ERP44: variants seen among roughly 807,000 people sequenced by gnomAD.
ERP44 encodes the protein endoplasmic reticulum resident protein 44.
In ERP44, 25 loss-of-function variants were observed where a neutral mutation model predicts 53.4. The observed-to-expected ratio is 0.47, with a 90% confidence interval of 0.34 to 0.65. The LOEUF is 0.65. Among genes scored for constraint, ERP44 ranks in the 30% least tolerant of loss-of-function variants. The pLI is 0.01. For missense variants in ERP44, 338 were observed against 493.2 expected, an observed-to-expected ratio of 0.69 and a Z score of 2.98; for synonymous variants, 145 against 161.2, an observed-to-expected ratio of 0.90 and a Z score of 0.76.
intron 4 of ERP44, among the ~76,000 whole-genome samples, chr9:100,042,132 C>T (rs1825911658): frequency 6.6e-6 from 1 of 152,084 alleles, no homozygotes; most frequent in African/African-American, 2.4e-5. Context: ...ACCCACATAA[C>T]TGGAGAAAAT....
chr9:100,008,178 T>C (rs1284402487), intron 8 of ERP44, among the ~76,000 whole-genome samples: 1 of 152,196 alleles, frequency 6.6e-6, no homozygotes, highest in East Asian at 1.9e-4. Context: ...CAAAAACCAT[T>C]ACACTTACAT....
At chr9:100,064,212 A>G (rs1252585685) in intron 1 of ERP44, among the ~76,000 whole-genome samples, 1 of 152,214 alleles carries the variant, frequency 6.6e-6, no homozygotes, top group Non-Finnish European at 1.5e-5. Flanking sequence ...GAGTACCTTG[A>G]AAGTAGAGAC....
chr9:99,993,991 G>A (rs927843172), intron 10 of ERP44, among the ~76,000 whole-genome samples: 3 of 152,238 alleles, frequency 2.0e-5, no homozygotes, highest in African/African-American at 7.2e-5. Context: ...CAATCATTAA[G>A]TCAGGAAACA....
chr9:100,019,435 A>G (rs564798083), intron 6 of ERP44, among the ~76,000 whole-genome samples: 36 of 152,308 alleles, frequency 2.4e-4, no homozygotes, highest in African/African-American at 8.2e-4. Flanking sequence ...AAATCTCACA[A>G]AAGCATTAAA....
chr9:100,046,947 C>A (rs1229592335), intron 4 of ERP44, among the ~76,000 whole-genome samples: 2 of 152,086 alleles, frequency 1.3e-5, no homozygotes, highest in Non-Finnish European at 2.9e-5. Context: ...AGAGACAGAA[C>A]AAAAATAGAC....
At chr9:100,057,344 G>A (rs1430947267) in intron 3 of ERP44, among the ~76,000 whole-genome samples, 3 of 152,118 alleles carry the variant, frequency 2.0e-5, no homozygotes, top group Non-Finnish European at 4.4e-5. Context: ...GTTTGCTAGG[G>A]CACAAACAAG....
intron 10 of ERP44, among the ~76,000 whole-genome samples, chr9:99,991,750 A>G (rs2118607441): frequency 6.6e-6 from 1 of 152,334 alleles, no homozygotes; most frequent in East Asian, 1.9e-4. Flanking sequence ...AAAGATCAAC[A>G]AAATTGATAG....
At chr9:100,009,330 T>C (rs1350920703) in intron 8 of ERP44, among the ~76,000 whole-genome samples, 1 of 151,912 alleles carries the variant, frequency 6.6e-6, no homozygotes, top group Non-Finnish European at 1.5e-5. Context: ...GCCAGGATGG[T>C]CTCAATCTCC....
chr9:99,999,117 G>A (rs936300816), intron 10 of ERP44: 4 of 623,412 alleles, frequency 6.4e-6, no homozygotes, highest in African/African-American at 3.7e-5. Flanking sequence ...TGGACACGGC[G>A]CACCTGAGGC....
chr9:100,093,643 T>TTG lies in ERP44; in HGVS notation c.57+5140_57+5141insCA, dbSNP rs1554711459. On this transcript the variant is annotated intron_variant, in intron 1 of 11. Coordinates refer to ENST00000262455, the MANE Select transcript of ERP44 (RefSeq NM_015051.3). ...GGGCTACACAGCAAGACCCTGTCTG[T>TTG]GGGGGGGGAAAAAAAAAGAACTGTG... Among the ~76,000 whole-genome samples, 419 of 150,584 alleles carry TTG rather than the reference T, an allele frequency of 2.8e-3. 2 individuals are homozygous for TTG. Among genetic ancestry groups the TTG allele is most frequent in the Non-Finnish European group, 5.1e-3 (342 of 67,684 alleles).
chr9:100,013,504 TTTC>T (rs1377704379), intron 8 of ERP44, among the ~76,000 whole-genome samples: 1 of 152,074 alleles, frequency 6.6e-6, no homozygotes, highest in Non-Finnish European at 1.5e-5. Context: ...TTAAGCTGCT[TTTC>T]TTCTACGACC....
chr9:100,071,092 G>A (rs1043794246), intron 1 of ERP44, among the ~76,000 whole-genome samples: 1 of 90,502 alleles, frequency 1.1e-5, no homozygotes, highest in South Asian at 5.6e-4. Context: ...AATTATATAA[G>A]GTTTTTTTTT....
chr9:100,093,797 C>T (rs1462960378), intron 1 of ERP44, among the ~76,000 whole-genome samples: 2 of 152,230 alleles, frequency 1.3e-5, no homozygotes, highest in African/African-American at 4.8e-5. Flanking sequence ...TGATCACACT[C>T]ATATTAAAGA....
intron 1 of ERP44, among the ~76,000 whole-genome samples, chr9:100,062,165 G>A (rs922338672): frequency 2.6e-5 from 4 of 152,130 alleles, no homozygotes; most frequent in Non-Finnish European, 5.9e-5. Flanking sequence ...TTGTCCAGTC[G>A]TATGTCTGTA....
chr9:100,066,484 G>A (rs1192457025), intron 1 of ERP44, among the ~76,000 whole-genome samples: 2 of 152,236 alleles, frequency 1.3e-5, no homozygotes, highest in Non-Finnish European at 2.9e-5. Context: ...GCATTCTGCT[G>A]TAATAGCTTA....
chr9:100,047,675 A>G (rs564317484), intron 4 of ERP44, among the ~76,000 whole-genome samples: 65 of 152,338 alleles, frequency 4.3e-4, no homozygotes, highest in African/African-American at 1.4e-3. Context: ...TTAGATTGCA[A>G]TTATATCTTG....
intron 10 of ERP44, chr9:99,999,170 C>T: frequency 2.0e-6 from 1 of 509,942 alleles, no homozygotes; most frequent in Non-Finnish European, 3.5e-6. Context: ...CCCCCCGACC[C>T]TGTCCCCCGC....
At chr9:100,092,775 T>C (rs1247465009) in intron 1 of ERP44, among the ~76,000 whole-genome samples, 1 of 152,196 alleles carries the variant, frequency 6.6e-6, no homozygotes, top group African/African-American at 2.4e-5. Context: ...TTGGTTGTAA[T>C]CAAAGAAATG....
chr9:99,995,112 T>C (rs1239107566), intron 10 of ERP44, among the ~76,000 whole-genome samples: 1 of 152,118 alleles, frequency 6.6e-6, no homozygotes, highest in East Asian at 1.9e-4. Context: ...TTGGAGCTAC[T>C]ATAAATGGAA....
Sources: gnomAD v4.1 joint callset for allele counts (sites outside exome capture counted in the v4.1 genomes callset) on GRCh38, gnomAD v4.1.1 for gene constraint, MANE v1.5 for transcripts, NCBI Gene and HGNC (gene_info 2026-07-23, HGNC 2026-07-21) for gene names.